The following SLC35F2 variants were observed in gnomAD, a reference collection of about 807,000 sequenced individuals.
SLC35F2 encodes solute carrier family 35 member F2, also known as queuine/queuosine transporter SLC35F2.
In SLC35F2, 25 loss-of-function variants were observed where a neutral mutation model predicts 38.1. That is an observed-to-expected ratio of 0.66 (90% CI 0.48 to 0.92). SLC35F2 has a LOEUF of 0.92. SLC35F2 is among the 40% of genes least tolerant of loss of function. The pLI is 0.00. For missense variants in SLC35F2, 409 were observed against 452.9 expected (o/e 0.90, Z 0.88); for synonymous variants, 173 against 181.7 (o/e 0.95, Z 0.38).
chr11:107,819,399 T>A (rs1237676871), intron 1 of SLC35F2, among the ~76,000 whole-genome samples: 1 of 152,096 alleles, frequency 6.6e-6, no homozygotes, highest in Non-Finnish European at 1.5e-5. Context: ...TGGAGGAAAT[T>A]TTCACCAAGA....
chr11:107,854,050 C>T (rs1456058480), intron 1 of SLC35F2, among the ~76,000 whole-genome samples: 1 of 151,724 alleles, frequency 6.6e-6, no homozygotes, highest in Non-Finnish European at 1.5e-5. Context: ...GATTTTGTCC[C>T]TACAAAAACT....
chr11:107,806,270 A>G (rs1037487511), intron 4 of SLC35F2, among the ~76,000 whole-genome samples: 48 of 152,232 alleles, frequency 3.2e-4, no homozygotes, highest in African/African-American at 1.1e-3. Context: ...GGGTAGGTCA[A>G]TTTGAAAAAT....
intron 1 of SLC35F2, among the ~76,000 whole-genome samples, chr11:107,828,661 T>A (rs1280902445): frequency 6.6e-6 from 1 of 152,108 alleles, no homozygotes; most frequent in African/African-American, 2.4e-5. Context: ...TAAGATGGGA[T>A]GACAAATAAA....
At chr11:107,829,677 CAAAAAAAAA>C (rs59625402) in intron 1 of SLC35F2, among the ~76,000 whole-genome samples, 1 of 87,304 alleles carries the variant, frequency 1.1e-5, no homozygotes, top group South Asian at 4.0e-4. Context: ...TGAAATCTCA[CAAAAAAAAA>C]AAAAAAAAGA....
chr11:107,811,934 T>G (rs1283669198), intron 2 of SLC35F2, 140 bp from the exon 3 acceptor site: 1 of 775,554 alleles, frequency 1.3e-6, no homozygotes, highest in Admixed American at 2.8e-5. Context: ...TAGGGTCTCA[T>G]TCTGTTGCCC....
rs113776279 is a variant in SLC35F2 at position 107,857,027 on chromosome 11, G to A, written c.110+1631C>T. On this transcript the variant is annotated intron_variant, in intron 1 of 7. Coordinates refer to ENST00000525815, the MANE Select transcript of SLC35F2 (RefSeq NM_017515.5). The stretch of plus-strand genomic sequence containing the variant: ...CACAGAGAAGTGACTTGTCCAGGAA[G>A]GAAGGAAGGCAGGAAGGAAGGGAGG... Among the ~76,000 whole-genome samples, 287 of 149,506 alleles carry A rather than the reference G, an allele frequency of 1.9e-3. 4 individuals carry two copies. Among genetic ancestry groups the A allele is most frequent in the African/African-American group, 6.7e-3 (271 of 40,514 alleles).
intron 2 of SLC35F2, among the ~76,000 whole-genome samples, chr11:107,812,242 A>G (rs1859494712): frequency 6.6e-6 from 1 of 151,984 alleles, no homozygotes; most frequent in Non-Finnish European, 1.5e-5. Context: ...CCTAGTTTCC[A>G]TTCTTCATAA....
Position 107,804,699 on chromosome 11 carries a change from G to A in SLC35F2, c.784+19C>T. 6.4e-7 allele frequency: 1 copy of A among 1,553,932 alleles called. No individual in the cohort carries two copies. The highest frequency in any genetic ancestry group is 2.3e-5 in the East Asian group (1 of 44,284). ...TTTGTTAAAGAATGCTGACTAAAAG[G>A]AATTATTTCTTTACATACCAATTTT... On this transcript the variant is annotated intron_variant, in intron 6 of 7. Transcript: ENST00000525815.
At position 107,792,377 on chromosome 11, in the gene SLC35F2, C is replaced by G. The variant is rs516091; in HGVS notation, c.*238G>C. ...GTGTGGAGTCTGCACCTCATCTCCTCAACACGAACAGATATTGGTCCTCAA... is the reference window on the plus strand; with the variant it reads ...GTGTGGAGTCTGCACCTCATCTCCTGAACACGAACAGATATTGGTCCTCAA... On this transcript the variant is annotated 3_prime_UTR_variant, in exon 8 of 8. Coordinates refer to ENST00000525815, the MANE Select transcript of SLC35F2 (RefSeq NM_017515.5). 177,978 of 414,118 alleles carry G rather than the reference C, an allele frequency of 0.43. 40,458 individuals carry two copies. Among genetic ancestry groups the G allele is most frequent in the Non-Finnish European group, 0.48 (111,594 of 233,406 alleles). The allele number at this position is 414,118 out of a possible 1,614,324, so 25.7% of individuals were successfully genotyped here. A position where few individuals can be genotyped will look rare whatever the true frequency, so the allele number is the denominator to read the frequency against.
intron 6 of SLC35F2, among the ~76,000 whole-genome samples, chr11:107,804,080 C>G (rs1489118996): frequency 6.6e-6 from 1 of 151,702 alleles, no homozygotes; most frequent in Non-Finnish European, 1.5e-5. Context: ...TCATGATCCA[C>G]CCACCTCAGC....
intron 1 of SLC35F2, among the ~76,000 whole-genome samples, chr11:107,832,317 G>A (rs1220462777): frequency 1.3e-5 from 2 of 152,146 alleles, no homozygotes; most frequent in African/African-American, 2.4e-5. Context: ...CTGAATCTAC[G>A]AGAACAAGAA....
Position 107,803,206 on chromosome 11 carries a change from C to T in SLC35F2, c.785-51G>A, listed in dbSNP as rs1308180738. On this transcript the variant is annotated intron_variant, in intron 6 of 7. Transcript: ENST00000525815. ...AATATTAGGGCAAGAAAACATAAGA[C>T]AAAGGAGTTTGAGGCTTAGCTGTCA... 16 of 1,535,628 alleles carry T rather than the reference C, an allele frequency of 1.0e-5. No individual in the cohort carries two copies. The East Asian group carries it at 3.6e-4, about 35-fold the overall frequency.
chr11:107,848,056 G>A (rs1038142487), intron 1 of SLC35F2, among the ~76,000 whole-genome samples: 13 of 152,166 alleles, frequency 8.5e-5, no homozygotes, highest in African/African-American at 3.1e-4. Context: ...TGGGGAGGGG[G>A]AGTGCAGAGT....
At chr11:107,847,892 G>T (rs910816831) in intron 1 of SLC35F2, among the ~76,000 whole-genome samples, 3 of 152,204 alleles carry the variant, frequency 2.0e-5, no homozygotes, top group African/African-American at 7.2e-5. Context: ...TGAGCCTGGA[G>T]AGGGAAGTGG....
intron 1 of SLC35F2, among the ~76,000 whole-genome samples, chr11:107,854,711 A>G (rs1238853085): frequency 6.6e-6 from 1 of 152,156 alleles, no homozygotes; most frequent in Non-Finnish European, 1.5e-5. Context: ...GTATATTAAG[A>G]GCTGGGGTCA....
chr11:107,810,884 T>C, intron 3 of SLC35F2: 1 of 981,446 alleles, frequency 1.0e-6, no homozygotes, highest in Non-Finnish European at 1.2e-6. Flanking sequence ...CTGTATTTTG[T>C]ATAGTGAGAA....
At chr11:107,799,863 T>G (rs116846840) in intron 7 of SLC35F2, among the ~76,000 whole-genome samples, 2,890 of 145,302 alleles carry the variant, frequency 0.02, 64 homozygotes, top group East Asian at 0.11. Context: ...CCGGCACACT[T>G]TGGCTTTTTT....
intron 1 of SLC35F2, 29 bp downstream of exon 1, chr11:107,858,629 C>T: frequency 7.9e-7 from 1 of 1,266,920 alleles, no homozygotes; most frequent in Non-Finnish European, 1.0e-6. Flanking sequence ...CACGCCCCAG[C>T]GGAGCTGCAG....
intron 1 of SLC35F2, among the ~76,000 whole-genome samples, chr11:107,846,018 A>T (rs532500453): frequency 4.2e-4 from 64 of 151,974 alleles, no homozygotes; most frequent in Admixed American, 7.9e-4. Context: ...ATCCAAAATA[A>T]ACAGCTCAAA....
Sources: allele counts gnomAD v4.1 joint callset (sites outside exome capture counted in the v4.1 genomes callset), GRCh38; gene constraint gnomAD v4.1.1; transcripts MANE v1.5; gene names NCBI Gene and HGNC (gene_info 2026-07-23, HGNC 2026-07-21).